NDUFAF6: variants seen among roughly 807,000 people sequenced by gnomAD.
The protein encoded by NDUFAF6 is NADH dehydrogenase (ubiquinone) complex I, assembly factor 6.
In NDUFAF6, 45 loss-of-function variants were observed where a neutral mutation model predicts 40.8. The observed-to-expected ratio is 1.10, with a 90% confidence interval of 0.87 to 1.42. NDUFAF6 has a LOEUF of 1.42. NDUFAF6 is among the 40% of genes most tolerant of loss of function. The probability of loss-of-function intolerance (pLI) is 0.00; values close to 1 mark genes in which losing one functional copy is unlikely to be tolerated. For missense variants in NDUFAF6, 435 were observed against 418.5 expected (o/e 1.04, Z -0.34); for synonymous variants, 185 against 155.9 (o/e 1.19, Z -1.39).
intron 2 of NDUFAF6, among the ~76,000 whole-genome samples, chr8:95,013,939 C>T (rs1381649101): frequency 1.3e-5 from 2 of 152,156 alleles, no homozygotes; most frequent in South Asian, 2.1e-4. Flanking sequence ...AATCTGGGCA[C>T]AGACATGCAC....
At chr8:94,994,534 G>GAA (rs199859068) in intron 2 of NDUFAF6, among the ~76,000 whole-genome samples, 2 of 135,590 alleles carry the variant, frequency 1.5e-5, no homozygotes, top group Non-Finnish European at 1.6e-5. Flanking sequence ...CATCTCAAAG[G>GAA]AAAAAAAAAA....
downstream of NDUFAF6, among the ~76,000 whole-genome samples, chr8:95,117,887 T>C (rs917531876): frequency 1.3e-5 from 2 of 152,228 alleles, no homozygotes; most frequent in Admixed American, 1.3e-4. Flanking sequence ...CCAGTAGATG[T>C]TCTGGTTATT....
intron 8 of NDUFAF6, among the ~76,000 whole-genome samples, chr8:95,056,986 A>G (rs1832253530): frequency 6.6e-6 from 1 of 152,290 alleles, no homozygotes; most frequent in African/African-American, 2.4e-5. Flanking sequence ...AAAGTCTGGA[A>G]GAAAATATTT....
intron 1 of NDUFAF6, among the ~76,000 whole-genome samples, chr8:95,026,107 A>C (rs1456049117): frequency 6.6e-6 from 1 of 152,030 alleles, no homozygotes; most frequent in East Asian, 1.9e-4. Context: ...TTTTAATTCC[A>C]TTTTAGAGAA....
At chr8:94,990,915 T>C (rs990789440) in intron 2 of NDUFAF6, among the ~76,000 whole-genome samples, 7 of 152,214 alleles carry the variant, frequency 4.6e-5, no homozygotes, top group African/African-American at 1.7e-4. Context: ...GCCCTTCCTA[T>C]GCAGGAGACC....
chr8:95,031,666 C>A (rs1462488886), intron 1 of NDUFAF6, among the ~76,000 whole-genome samples: 8 of 152,142 alleles, frequency 5.3e-5, no homozygotes, highest in Admixed American at 1.3e-4. Flanking sequence ...GTGGCGCAAT[C>A]TGGGCTCACT....
chr8:94,997,343 C>CACACACACAG lies in NDUFAF6; in HGVS notation c.-84+16371_-84+16372insCACACACAGA, dbSNP rs1242904810. On this transcript the variant is annotated intron_variant, in intron 2 of 9. Transcript: ENST00000396111. ...ACACACACACACACACACACACACA[C>CACACACACAG]AGAGAGAGAGAGAGAGAGAGAGACA... Among the ~76,000 whole-genome samples, 302 of 90,562 alleles carry CACACACACAG rather than the reference C, an allele frequency of 3.3e-3. 4 individuals carry two copies. The highest frequency in any genetic ancestry group is 0.014 in the Admixed American group (93 of 6,460). The allele number at this position is 90,562 out of a possible 152,430, so 59.4% of individuals were successfully genotyped here.
intron 2 of NDUFAF6, among the ~76,000 whole-genome samples, chr8:95,013,612 A>G (rs949464734): frequency 1.6e-4 from 24 of 152,234 alleles, no homozygotes; most frequent in Non-Finnish European, 3.2e-4. Context: ...TATACTAGGC[A>G]CTGTTTTAAG....
chr8:94,981,927 C>G (rs1179801649), intron 2 of NDUFAF6, among the ~76,000 whole-genome samples: 2 of 93,510 alleles, frequency 2.1e-5, no homozygotes, highest in Admixed American at 1.2e-4. Context: ...GACCCTGTCT[C>G]AAAAAAAAAA....
chr8:94,930,949 C>T (rs1028893253), intron 1 of NDUFAF6, among the ~76,000 whole-genome samples: 14 of 152,182 alleles, frequency 9.2e-5, no homozygotes, highest in Non-Finnish European at 1.6e-4. Flanking sequence ...ATATAAGCCC[C>T]AGATGGCTCA....
At chr8:94,939,952 G>T (rs773549775) in intron 1 of NDUFAF6, 1 of 1,614,116 alleles carries the variant, frequency 6.2e-7, no homozygotes, top group Admixed American at 1.7e-5. Flanking sequence ...CAGACATGCT[G>T]GGATGTTCAA....
At chr8:95,080,184 TATTTTTTGTAGTG>T (rs1410924288), downstream of NDUFAF6, among the ~76,000 whole-genome samples, 2 of 151,452 alleles carry the variant, frequency 1.3e-5, no homozygotes, top group Admixed American at 6.6e-5. Context: ...TTTTGTAGCG[TATTTTTTGTAGTG>T]ATTTTTTGTA....
chr8:94,998,355 CTAAAGT>C (rs1307798752), intron 2 of NDUFAF6, among the ~76,000 whole-genome samples: 3 of 150,804 alleles, frequency 2.0e-5, no homozygotes, highest in African/African-American at 7.3e-5. Flanking sequence ...TTGTATTCTT[CTAAAGT>C]TATTCTCTGC....
chr8:95,085,842 C>T (rs1809028815), intron 2 of NDUFAF6, among the ~76,000 whole-genome samples: 1 of 152,130 alleles, frequency 6.6e-6, no homozygotes, highest in Non-Finnish European at 1.5e-5. Flanking sequence ...TCTGGTTCTG[C>T]AGGTTCTGCG....
chr8:95,051,151 G>C (rs566045702), intron 7 of NDUFAF6, among the ~76,000 whole-genome samples: 1 of 152,178 alleles, frequency 6.6e-6, no homozygotes, highest in Non-Finnish European at 1.5e-5. Flanking sequence ...TATAATTAAG[G>C]CTCCAAGTTT....
At chr8:94,926,090 T>C (rs1433542380) in intron 1 of NDUFAF6, 1 of 152,644 alleles carries the variant, frequency 6.6e-6, no homozygotes, top group Non-Finnish European at 1.5e-5. Flanking sequence ...TAAACAATGC[T>C]ACACTCATTT....
rs183124764 is a variant in NDUFAF6, at chr8:94,973,770, A to C, written c.-198-7089A>C. Among the ~76,000 whole-genome samples, 363 of 150,000 alleles carry C rather than the reference A, an allele frequency of 2.4e-3. 2 individuals carry two copies. The Middle Eastern group carries it at 0.031, about 13-fold the overall frequency. ...CGTGGTGGCTCACACCTGCAAACCC[A>C]GTGCTTTGGGAGGCCGAGGTGGAAG... is the stretch of plus-strand genomic sequence containing the variant. On this transcript the variant is annotated intron_variant, in intron 1 of 9. Transcript: ENST00000396111.
intron 1 of NDUFAF6, among the ~76,000 whole-genome samples, chr8:94,934,392 T>A (rs1820761828): frequency 6.6e-6 from 1 of 151,648 alleles, no homozygotes. Flanking sequence ...AAATTCTATT[T>A]TTTTTTTTTT....
chr8:95,081,390 T>A (rs1201866331), intron 2 of NDUFAF6, among the ~76,000 whole-genome samples: 1 of 151,776 alleles, frequency 6.6e-6, no homozygotes. Context: ...GGCTGGTCCC[T>A]AAGTCCTGAC....
Sources: allele counts gnomAD v4.1 joint callset (sites outside exome capture counted in the v4.1 genomes callset), GRCh38; gene constraint gnomAD v4.1.1; transcripts MANE v1.5; gene names NCBI Gene and HGNC (gene_info 2026-07-23, HGNC 2026-07-21).